Variants in SLC18A1 observed in about 807,000 individuals in gnomAD.
The protein encoded by SLC18A1 is solute carrier family 18 member A1, also known as chromaffin granule amine transporter.
In SLC18A1, 69 loss-of-function variants were observed where a neutral mutation model predicts 53.7. The ratio of observed to expected loss-of-function variants is 1.28; its 90% CI spans 1.06 to 1.57. The LOEUF (loss-of-function observed/expected upper bound fraction) is 1.57, where lower values mean the gene tolerates loss of function less well. Among genes scored for constraint, SLC18A1 ranks in the 40% most tolerant of loss-of-function variants. SLC18A1 has a pLI of 0.00. For synonymous variants in SLC18A1, 320 were observed against 248.1 expected, an observed-to-expected ratio of 1.29 and a Z score of -2.72; for missense variants, 932 against 668.1, an observed-to-expected ratio of 1.40 and a Z score of -4.35.
At chr8:20,170,274 G>A (rs1252026111) in intron 8 of SLC18A1, among the ~76,000 whole-genome samples, 1 of 152,142 alleles carries the variant, frequency 6.6e-6, no homozygotes, top group Non-Finnish European at 1.5e-5. Flanking sequence ...TCTTTCAGAT[G>A]CTTCTCTGTT....
chr8:20,158,864 A>G (rs1220993953), intron 10 of SLC18A1, among the ~76,000 whole-genome samples: 1 of 152,006 alleles, frequency 6.6e-6, no homozygotes, highest in African/African-American at 2.4e-5. Flanking sequence ...CTGACTCTCA[A>G]TTCTTGTATG....
intron 10 of SLC18A1, among the ~76,000 whole-genome samples, chr8:20,153,153 C>A (rs1256544871): frequency 4.6e-5 from 7 of 151,998 alleles, no homozygotes. Flanking sequence ...GATTGTTGGA[C>A]AATGTGAAAC....
intron 14 of SLC18A1, 102 bp downstream of exon 14, chr8:20,147,501 G>T (rs751784463): frequency 1.3e-6 from 2 of 1,579,004 alleles, no homozygotes; most frequent in Non-Finnish European, 1.7e-6. Flanking sequence ...ATGTCTCAGC[G>T]TCAAAGATCT....
chr8:20,156,074 T>G (rs1422904671), intron 10 of SLC18A1, among the ~76,000 whole-genome samples: 1 of 152,212 alleles, frequency 6.6e-6, no homozygotes, highest in Non-Finnish European at 1.5e-5. Flanking sequence ...ACTTTAACAC[T>G]GGAACTGGGC....
At chr8:20,156,079 C>T (rs1365590064) in intron 10 of SLC18A1, among the ~76,000 whole-genome samples, 2 of 152,210 alleles carry the variant, frequency 1.3e-5, no homozygotes, top group Non-Finnish European at 2.9e-5. Context: ...AACACTGGAA[C>T]TGGGCCTGCG....
chr8:20,177,873 T>C (rs1438533429), intron 4 of SLC18A1, among the ~76,000 whole-genome samples: 2 of 152,192 alleles, frequency 1.3e-5, no homozygotes, highest in Non-Finnish European at 2.9e-5. Flanking sequence ...ATTAGAAACA[T>C]TTAGCTGATC....
chr8:20,161,183 A>G (rs1324030343), intron 10 of SLC18A1, among the ~76,000 whole-genome samples: 2 of 152,196 alleles, frequency 1.3e-5, no homozygotes, highest in Non-Finnish European at 2.9e-5. Flanking sequence ...TCCAAAATCC[A>G]GAGTCTTGTC....
At chr8:20,149,386 C>T (rs1035734023) in intron 12 of SLC18A1, among the ~76,000 whole-genome samples, 19 of 152,034 alleles carry the variant, frequency 1.2e-4, no homozygotes, top group South Asian at 4.1e-4. Context: ...CTCAGACCTC[C>T]GGCTCCAGCT....
intron 8 of SLC18A1, among the ~76,000 whole-genome samples, chr8:20,166,317 A>T (rs2071960993): frequency 1.0e-5 from 1 of 97,566 alleles, no homozygotes; most frequent in Non-Finnish European, 2.1e-5. Flanking sequence ...ATATATATAT[A>T]TATATATATA....
intron 5 of SLC18A1, among the ~76,000 whole-genome samples, chr8:20,174,072 C>T (rs1345353485): frequency 1.3e-5 from 2 of 151,806 alleles, no homozygotes; most frequent in Non-Finnish European, 2.9e-5. Context: ...AACTTATTCT[C>T]TCTTTTTTTT....
chr8:20,176,462 T>TGG (rs2072254429), intron 4 of SLC18A1, among the ~76,000 whole-genome samples: 1 of 152,228 alleles, frequency 6.6e-6, no homozygotes. Flanking sequence ...CAATGCTAAA[T>TGG]GGACTAAGAC....
rs1347823281 is a variant in SLC18A1, at chr8:20,166,321, A to AT, written c.859-1215dup. On this transcript the variant is annotated intron_variant, in intron 8 of 15. Coordinates refer to ENST00000276373, the MANE Select transcript of SLC18A1 (RefSeq NM_003053.4). ...TATATATATATATATATATATATAT[A>AT]TATATATATACACCACCAGGTGGAA... Among the ~76,000 whole-genome samples the AT allele has an allele frequency of 8.1e-4, 79 of 97,106 alleles. 1 individual carries two copies. Among genetic ancestry groups the AT allele is most frequent in the Non-Finnish European group, 1.4e-3 (70 of 49,790 alleles). 63.7% of individuals were successfully genotyped at this position (97,106 alleles called of 152,430 possible).
chr8:20,158,514 G>A lies in SLC18A1; in HGVS notation c.1015+6355C>T, dbSNP rs753517754. ...TGGAGGAGCGAAGAATGCCCGTCCC[G>A]TTCAAGTTAAACTAAAGGATTCCAC... On this transcript the variant is annotated intron_variant, in intron 10 of 15. Transcript: ENST00000276373. Among the ~76,000 whole-genome samples the A allele has an allele frequency of 1.4e-4, 22 of 152,014 alleles. 1 individual carries two copies. The highest frequency in any genetic ancestry group is 7.8e-4 in the East Asian group (4 of 5,154).
intron 12 of SLC18A1, 75 bp from the exon 13 acceptor site, chr8:20,148,145 AT>A (rs2128867186): frequency 7.7e-7 from 1 of 1,294,844 alleles, no homozygotes; most frequent in South Asian, 1.2e-5. Context: ...GAGTTTTCAC[AT>A]GAAATGCATT....
chr8:20,162,857 A>C (rs1382492326), intron 10 of SLC18A1, among the ~76,000 whole-genome samples: 1 of 152,208 alleles, frequency 6.6e-6, no homozygotes, highest in Non-Finnish European at 1.5e-5. Flanking sequence ...TAACCACAGC[A>C]ATACAGGCTC....
At chr8:20,149,148 GA>G (rs967137650) in intron 12 of SLC18A1, among the ~76,000 whole-genome samples, 5 of 152,134 alleles carry the variant, frequency 3.3e-5, no homozygotes, top group African/African-American at 1.2e-4. Flanking sequence ...AGGAGGAAAT[GA>G]AGGCTTTGAG....
chr8:20,150,855 C>T, intron 10 of SLC18A1, 111 bp from the exon 11 acceptor site: 2 of 967,940 alleles, frequency 2.1e-6, no homozygotes, highest in Admixed American at 1.9e-5. Context: ...GATCCCCAAA[C>T]CACTTTGTTT....
At chr8:20,181,773 G>C (rs563181011) in intron 1 of SLC18A1, 1 of 151,852 alleles carries the variant, frequency 6.6e-6, no homozygotes, top group Admixed American at 6.6e-5. Context: ...CAAGAAATCC[G>C]AGCCTCTGAA....
intron 12 of SLC18A1, chr8:20,148,574 G>T: frequency 1.3e-6 from 1 of 782,594 alleles, no homozygotes; most frequent in South Asian, 1.4e-5. Context: ...GTAAGCTAGA[G>T]GGGGCAGGTG....
Sources: gnomAD v4.1 joint callset for allele counts (sites outside exome capture counted in the v4.1 genomes callset) on GRCh38, gnomAD v4.1.1 for gene constraint, MANE v1.5 for transcripts, NCBI Gene and HGNC (gene_info 2026-07-23, HGNC 2026-07-21) for gene names.